Variants in HERC1 observed in about 807,000 individuals in gnomAD.
The protein encoded by HERC1 is HECT and RLD domain containing E3 ubiquitin protein ligase family member 1.
A neutral mutation model predicts 554.3 loss-of-function variants in HERC1; 160 were observed. That is an observed-to-expected ratio of 0.29 (90% CI 0.25 to 0.33). The LOEUF (loss-of-function observed/expected upper bound fraction) is 0.33, where lower values mean the gene tolerates loss of function less well. Ranked by LOEUF, HERC1 falls within the 10% of genes least tolerant of loss-of-function variation. The pLI, the probability that HERC1 is intolerant of heterozygous loss-of-function variation, is 1.00. For missense variants in HERC1, 4,919 were observed against 5,918.5 expected (o/e 0.83, Z 5.54); for synonymous variants, 2,175 against 2,131.7 (o/e 1.02, Z -0.56).
rs746863410 is a variant in HERC1, at chr15:63,712,765, G to T, written c.4584+10C>A. The T allele has an allele frequency of 2.2e-5, 36 of 1,612,064 alleles. No individual in the cohort carries two copies. In the South Asian group the frequency reaches 2.4e-4, roughly 11 times the overall value. On this transcript the variant is annotated intron_variant, in intron 24 of 77. Transcript: ENST00000443617. Reference sequence around the variant, plus strand: ...AAAAATCTTTCTTTACTGAATCTGGGTATACCTACCAGTGCGTAACCCTCT... The same window carrying T: ...AAAAATCTTTCTTTACTGAATCTGGTTATACCTACCAGTGCGTAACCCTCT...
At chr15:63,707,434 A>G (rs2073065589) in intron 24 of HERC1, among the ~76,000 whole-genome samples, 1 of 152,254 alleles carries the variant, frequency 6.6e-6, no homozygotes, top group African/African-American at 2.4e-5. Context: ...TTACAAGAAG[A>G]ATGGAAGTAT....
At chr15:63,690,971 T>A (rs1007161908) in intron 31 of HERC1, among the ~76,000 whole-genome samples, 2 of 152,212 alleles carry the variant, frequency 1.3e-5, no homozygotes, top group Admixed American at 6.5e-5. Flanking sequence ...CCCATTTTAC[T>A]GTTGAGAAAA....
intron 12 of HERC1, among the ~76,000 whole-genome samples, chr15:63,737,449 T>C (rs2074567809): frequency 1.6e-5 from 2 of 124,926 alleles, no homozygotes; most frequent in Admixed American, 1.6e-4. Context: ...TATATCTTTT[T>C]TCCAGATATA....
Position 63,630,506 on chromosome 15 carries a change from T to C in HERC1, c.12926A>G (p.Asn4309Ser). ...GCTCCCCCAGGCATACACATCTCCA[T>C]TTGATGCCAAAGCAAGTGTGTGTTC... ...GAEHTLALAS[N>S]GDVYAWGSNS... Residue 4309 changes from asparagine (N) to serine (S), a missense_variant, in exon 69 of 78, where the codon AAT (asparagine) becomes AGT (serine). Transcript: ENST00000443617. 1 of 1,613,990 alleles carries C rather than the reference T, an allele frequency of 6.2e-7. No homozygotes were observed. The highest frequency in any genetic ancestry group is 8.5e-7 in the Non-Finnish European group (1 of 1,179,868).
rs143194649 is a variant in HERC1, at chr15:63,675,274, C to T, written c.7071-157G>A. 6.6e-4 allele frequency: 366 copies of T among 557,962 alleles called. 3 individuals carry two copies. The East Asian group carries it at 9.9e-3, about 15-fold the overall frequency. 34.6% of individuals were successfully genotyped at this position (557,962 alleles called of 1,614,324 possible). ...AAATCATTACAAACACAGAGAAAAA[C>T]GAGTCTATTATGAGAAAATGGGGAG... On this transcript the variant is annotated intron_variant, in intron 37 of 77. Coordinates refer to ENST00000443617, the MANE Select transcript of HERC1 (RefSeq NM_003922.4).
intron 12 of HERC1, among the ~76,000 whole-genome samples, chr15:63,736,690 C>A (rs1409387723): frequency 6.6e-6 from 1 of 152,002 alleles, no homozygotes; most frequent in Non-Finnish European, 1.5e-5. Flanking sequence ...CTCACGGCAA[C>A]CTCCACCTCT....
chr15:63,698,346 A>G (rs2072541660), intron 26 of HERC1, among the ~76,000 whole-genome samples: 1 of 148,886 alleles, frequency 6.7e-6, no homozygotes, highest in South Asian at 2.2e-4. Context: ...TGAACCCAGG[A>G]GGCAGAGGTT....
chr15:63,814,288 T>G (rs2077422895), intron 1 of HERC1, among the ~76,000 whole-genome samples: 1 of 152,194 alleles, frequency 6.6e-6, no homozygotes, highest in Admixed American at 6.5e-5. Context: ...ATATTACTTT[T>G]CACACTTAGA....
At chr15:63,709,503 G>A (rs2073184492) in intron 24 of HERC1, among the ~76,000 whole-genome samples, 1 of 152,098 alleles carries the variant, frequency 6.6e-6, no homozygotes, top group African/African-American at 2.4e-5. Context: ...CAACACAGTT[G>A]AGGCAAGTAC....
intron 1 of HERC1, among the ~76,000 whole-genome samples, chr15:63,821,598 C>T (rs1043467171): frequency 4.1e-5 from 6 of 146,964 alleles, no homozygotes; most frequent in Non-Finnish European, 7.5e-5. Context: ...TGGTTGTGCA[C>T]GCCTGCAGTC....
At chr15:63,777,236 T>G (rs192172525) in intron 1 of HERC1, among the ~76,000 whole-genome samples, 1 of 152,348 alleles carries the variant, frequency 6.6e-6, no homozygotes, top group East Asian at 1.9e-4. Context: ...ATATAAAATC[T>G]GATGACACTT....
rs1363013766 is a variant in HERC1 at position 63,615,753 on chromosome 15, G to A, written c.14094+15C>T. The A allele has an allele frequency of 6.4e-7, 1 of 1,567,992 alleles. No individual in the cohort carries two copies. The highest frequency in any genetic ancestry group is 8.6e-7 in the Non-Finnish European group (1 of 1,161,630). On this transcript the variant is annotated intron_variant, in intron 76 of 77. Transcript: ENST00000443617. ...CCAAGCATTCATGTGTACCTCCCGA[G>A]ATGTTTCATCTCACCTGTCTGTCCA...
chr15:63,762,368 G>A (rs577404045), intron 3 of HERC1, among the ~76,000 whole-genome samples: 1 of 152,120 alleles, frequency 6.6e-6, no homozygotes, highest in Non-Finnish European at 1.5e-5. Flanking sequence ...TTATTGCTCA[G>A]GCTGGAGCAC....
Position 63,752,908 on chromosome 15 carries a change from C to T in HERC1, c.1902+50G>A, listed in dbSNP as rs2075300131. 3 of 1,541,070 alleles carry T rather than the reference C, an allele frequency of 1.9e-6. No individual in the cohort carries two copies. In the East Asian group the frequency reaches 6.8e-5, roughly 35 times the overall value. ...AATACAAGTATTACTTTTTAGTCACCTAATCCTCTGAAATACTCTAAGTCT... is the reference window on the plus strand; with the variant it reads ...AATACAAGTATTACTTTTTAGTCACTTAATCCTCTGAAATACTCTAAGTCT... On this transcript the variant is annotated intron_variant, in intron 8 of 77. Coordinates refer to ENST00000443617, the MANE Select transcript of HERC1 (RefSeq NM_003922.4).
At chr15:63,735,165 G>A (rs140737621) in intron 12 of HERC1, among the ~76,000 whole-genome samples, 61 of 152,260 alleles carry the variant, frequency 4.0e-4, no homozygotes, top group African/African-American at 1.3e-3. Flanking sequence ...CTGCTTTCAT[G>A]AGCCTACAGT....
Position 63,694,822 on chromosome 15 carries a change from A to G in HERC1, c.5194T>C (p.Leu1732=), listed in dbSNP as rs2072309386. The change falls in exon 28 of 78, where the codon TTG becomes CTG. Residue 1732 remains leucine, a synonymous_variant. Transcript: ENST00000443617. The surrounding 1 kb of genome is among the most constrained non-coding windows in gnomAD (Gnocchi z 4.3). ...QVAVHKIYQQ[L]SATLERALQA... ...AGGGCTCTTTCCAGGGTAGCAGACA[A>G]CTGTTGATAAATTTTATGCACAGCT... 2 of 1,613,900 alleles carry G rather than the reference A, an allele frequency of 1.2e-6. No individual in the cohort carries two copies. The highest frequency in any genetic ancestry group is 1.6e-4 in the Middle Eastern group (1 of 6,062).
chr15:63,644,854 TGAC>T, intron 57 of HERC1, 135 bp downstream of exon 57: 1 of 628,858 alleles, frequency 1.6e-6, no homozygotes, highest in East Asian at 2.7e-5. Flanking sequence ...TAATTCAGGA[TGAC>T]AATTACTTAT....
Position 63,664,538 on chromosome 15 carries a change from C to A in HERC1, c.8612G>T (p.Arg2871Ile), listed in dbSNP as rs2070517859. 1.2e-6 allele frequency: 2 copies of A among 1,613,522 alleles called. No individual in the cohort carries two copies. The highest frequency in any genetic ancestry group is 1.7e-6 in the Non-Finnish European group (2 of 1,179,608). The part of the protein sequence containing the change: ...NAASGSGPSA[R>I]GRSAVTRRHK... ...TCTTCTTGTTACCGCTGAGCGACCT[C>A]TAGCTGATGGTCCACTTCCAGAAGC... is the stretch of plus-strand genomic sequence containing the variant. Residue 2871 changes from arginine to isoleucine, a missense_variant, in exon 43 of 78, where the codon AGA (arginine) becomes ATA (isoleucine). This residue lies in a region of HERC1 where 1,963 missense variants were observed against 2,228.6 expected (regional missense o/e 0.88). Coordinates refer to ENST00000443617, the MANE Select transcript of HERC1 (RefSeq NM_003922.4).
intron 24 of HERC1, among the ~76,000 whole-genome samples, chr15:63,710,091 T>C (rs1436593807): frequency 1.3e-5 from 2 of 152,248 alleles, no homozygotes; most frequent in African/African-American, 4.8e-5. Flanking sequence ...AGAAGAATAC[T>C]GGTTCCAAAA....
Sources: gnomAD v4.1 joint callset for allele counts (sites outside exome capture counted in the v4.1 genomes callset) on GRCh38, gnomAD v4.1.1 for gene constraint, gnomAD v4.1.1 regional missense constraint, Gnocchi (gnomAD v3.1) non-coding constraint, MANE v1.5 for transcripts, NCBI Gene and HGNC (gene_info 2026-07-23, HGNC 2026-07-21) for gene names.